FIRRM: variants seen among roughly 807,000 people sequenced by gnomAD.
FIRRM encodes the protein FIGNL1 interacting regulator of recombination and mitosis.
chr1:169,790,181 T>C, the FIRRM span, among the ~76,000 whole-genome samples: 37 of 147,966 alleles, frequency 2.5e-4, no homozygotes, highest in Non-Finnish European at 1.5e-5. Flanking sequence ...TATCTTTTTT[T>C]TTTCTCTTTT....
chr1:169,837,062 T>A, the FIRRM span: 2 of 1,608,968 alleles, frequency 1.2e-6, no homozygotes, highest in Non-Finnish European at 1.7e-6. Context: ...CACTGCAGAA[T>A]GCAGGAAATG....
chr1:169,794,919 T>C, the FIRRM span: 5 of 593,784 alleles, frequency 8.4e-6, no homozygotes, highest in South Asian at 1.0e-4. Context: ...AGTCGAGTCC[T>C]CCAGGGGCTA....
chr1:169,820,748 G>A, the FIRRM span, among the ~76,000 whole-genome samples: 1 of 152,206 alleles, frequency 6.6e-6, no homozygotes, highest in Non-Finnish European at 1.5e-5. Flanking sequence ...TGGTGCTGCA[G>A]TCTGCTTTTT....
chr1:169,801,061 A>T, the FIRRM span: 3 of 616,212 alleles, frequency 4.9e-6, no homozygotes, highest in Non-Finnish European at 5.6e-6. Flanking sequence ...TCTTTTTCTA[A>T]TATATCAAAT....
the FIRRM span, chr1:169,850,448 T>C: frequency 1.3e-6 from 1 of 776,000 alleles, no homozygotes; most frequent in South Asian, 1.7e-5. Context: ...CTTAAACTTT[T>C]CACAGTGCTG....
chr1:169,821,631 T>A, the FIRRM span: 1 of 1,353,476 alleles, frequency 7.4e-7, no homozygotes, highest in African/African-American at 1.5e-5. Flanking sequence ...GCTAATTTTA[T>A]ATTCTTTTCT....
At chr1:169,850,477 T>C in the FIRRM span, 1 of 616,724 alleles carries the variant, frequency 1.6e-6, no homozygotes, top group Admixed American at 2.9e-5. Flanking sequence ...GCTGACGACT[T>C]TTACTAAGCA....
the FIRRM span, among the ~76,000 whole-genome samples, chr1:169,804,587 A>T: frequency 6.6e-6 from 1 of 152,272 alleles, no homozygotes; most frequent in Non-Finnish European, 1.5e-5. Flanking sequence ...ACATATAAAT[A>T]CGTGCATATG....
At chr1:169,802,593 C>T in the FIRRM span, 3 of 1,433,520 alleles carry the variant, frequency 2.1e-6, no homozygotes, top group South Asian at 2.4e-5. Context: ...TCTCTTATTC[C>T]TGTTTATTAC....
the FIRRM span, chr1:169,802,646 T>C: frequency 6.2e-7 from 1 of 1,611,902 alleles, no homozygotes; most frequent in Non-Finnish European, 8.5e-7. Context: ...GATGACATGA[T>C]GTATGAATTA....
the FIRRM span, among the ~76,000 whole-genome samples, chr1:169,811,752 A>G: frequency 0.05 from 7,257 of 145,362 alleles, 369 homozygotes; most frequent in Non-Finnish European, 0.078. Context: ...AGATTATCTA[A>G]ATAGATAATA....
chr1:169,853,062 A>C, the FIRRM span: 3 of 1,430,714 alleles, frequency 2.1e-6, no homozygotes, highest in Middle Eastern at 2.0e-4. Flanking sequence ...TTTCTAACAG[A>C]TATAAAACAA....
At chr1:169,796,843 T>A in the FIRRM span, among the ~76,000 whole-genome samples, 1 of 152,254 alleles carries the variant, frequency 6.6e-6, no homozygotes, top group Non-Finnish European at 1.5e-5. Context: ...TTGCTCAGCC[T>A]GATTTGTTCT....
chr1:169,838,314 G>A, the FIRRM span, among the ~76,000 whole-genome samples: 2 of 152,114 alleles, frequency 1.3e-5, no homozygotes, highest in Non-Finnish European at 2.9e-5. Flanking sequence ...TGGGTTAAAT[G>A]TGTCCGAGTT....
At chr1:169,793,662 G>A in the FIRRM span, 7 of 1,607,844 alleles carry the variant, frequency 4.4e-6, no homozygotes, top group East Asian at 1.3e-4. Context: ...TTTTCCAGAT[G>A]GTCTTCTATA....
At chr1:169,836,770 T>C in the FIRRM span, among the ~76,000 whole-genome samples, 1 of 152,254 alleles carries the variant, frequency 6.6e-6, no homozygotes, top group South Asian at 2.1e-4. Flanking sequence ...TAATAAAGCA[T>C]GTTCATTTAT....
chr1:169,786,755 C>T, the FIRRM span, among the ~76,000 whole-genome samples: 1 of 152,176 alleles, frequency 6.6e-6, no homozygotes, highest in African/African-American at 2.4e-5. Context: ...CCAGACATGA[C>T]AGAATAGAAA....
At chr1:169,850,132 A>C in the FIRRM span, 1 of 614,316 alleles carries the variant, frequency 1.6e-6, no homozygotes, top group Non-Finnish European at 2.9e-6. Flanking sequence ...TCATGAGTTT[A>C]TCACCTTTGA....
chr1:169,818,448 C>T, the FIRRM span, among the ~76,000 whole-genome samples: 31 of 152,286 alleles, frequency 2.0e-4, 1 homozygote, highest in East Asian at 3.3e-3. Context: ...ATTTAAACCA[C>T]GTCTTTATTT....
Sources: allele counts gnomAD v4.1 joint callset (sites outside exome capture counted in the v4.1 genomes callset), GRCh38; gene constraint gnomAD v4.1.1; transcripts MANE v1.5; gene names NCBI Gene and HGNC (gene_info 2026-07-23, HGNC 2026-07-21).